C12orf42: variants seen among roughly 807,000 people sequenced by gnomAD.
C12orf42 encodes uncharacterized protein C12orf42.
A neutral mutation model predicts 21.6 loss-of-function variants in C12orf42; 25 were observed. That is an observed-to-expected ratio of 1.16 (90% CI 0.84 to 1.62). The LOEUF is 1.62. Among genes scored for constraint, C12orf42 ranks in the 40% most tolerant of loss-of-function variants. C12orf42 has a pLI of 0.00. For synonymous variants in C12orf42, 174 were observed against 175.0 expected (o/e 0.99, Z 0.05); for missense variants, 483 against 459.3 (o/e 1.05, Z -0.47).
chr12:103,166,543 G>C, the C12orf42 span, among the ~76,000 whole-genome samples: 1 of 152,090 alleles, frequency 6.6e-6, no homozygotes, highest in Admixed American at 6.5e-5. Flanking sequence ...ATAATAAATG[G>C]AGTCAGAATT....
the C12orf42 span, among the ~76,000 whole-genome samples, chr12:103,513,675 G>A: frequency 6.6e-6 from 1 of 152,174 alleles, no homozygotes; most frequent in Non-Finnish European, 1.5e-5. Context: ...AGTTAAGACT[G>A]AGAATCAGGC....
chr12:103,193,882 A>T, the C12orf42 span, among the ~76,000 whole-genome samples: 2 of 152,172 alleles, frequency 1.3e-5, no homozygotes. Context: ...CCAACACAAA[A>T]CTATAGGCCA....
the C12orf42 span, among the ~76,000 whole-genome samples, chr12:103,082,374 G>C: frequency 6.6e-6 from 1 of 152,288 alleles, no homozygotes; most frequent in South Asian, 2.1e-4. Context: ...AATAATTATG[G>C]CCTAACCAAA....
chr12:103,199,260 C>T, the C12orf42 span, among the ~76,000 whole-genome samples: 2 of 152,082 alleles, frequency 1.3e-5, no homozygotes, highest in South Asian at 4.1e-4. Context: ...TATCCACATT[C>T]AAAGGAATGA....
At chr12:103,169,531 T>C in the C12orf42 span, among the ~76,000 whole-genome samples, 5 of 152,096 alleles carry the variant, frequency 3.3e-5, no homozygotes, top group East Asian at 3.8e-4. Context: ...CAAGATCATA[T>C]GGTTAGTATG....
the C12orf42 span, among the ~76,000 whole-genome samples, chr12:103,508,299 G>T: frequency 6.6e-6 from 1 of 152,160 alleles, no homozygotes; most frequent in African/African-American, 2.4e-5. Context: ...TTAATAAATT[G>T]TGTGAGTGGA....
intron 2 of C12orf42, among the ~76,000 whole-genome samples, chr12:103,458,008 TA>T (rs1280577227): frequency 1.3e-5 from 2 of 152,146 alleles, no homozygotes; most frequent in African/African-American, 4.8e-5. Context: ...GCACTTCAGA[TA>T]AAATTAAAAC....
At chr12:103,481,115 C>T (rs1289350108) in intron 1 of C12orf42, among the ~76,000 whole-genome samples, 4 of 151,708 alleles carry the variant, frequency 2.6e-5, no homozygotes, top group Non-Finnish European at 5.9e-5. Context: ...TATTATATAG[C>T]TTTCTTCTTT....
intron 3 of C12orf42, among the ~76,000 whole-genome samples, chr12:103,377,190 T>G (rs1270580064): frequency 6.6e-6 from 1 of 152,106 alleles, no homozygotes; most frequent in African/African-American, 2.4e-5. Context: ...TTCATATTGT[T>G]TGGTTCCCTG....
intron 1 of C12orf42, among the ~76,000 whole-genome samples, chr12:103,483,186 A>C (rs887022956): frequency 6.6e-6 from 1 of 152,132 alleles, no homozygotes; most frequent in Non-Finnish European, 1.5e-5. Flanking sequence ...TCCAAGCACC[A>C]AGAGTGAACT....
chr12:103,430,656 A>G (rs1349722316), intron 2 of C12orf42, among the ~76,000 whole-genome samples: 1 of 152,232 alleles, frequency 6.6e-6, no homozygotes, highest in Non-Finnish European at 1.5e-5. Context: ...ATAAAGACAC[A>G]TGCACACATA....
the C12orf42 span, among the ~76,000 whole-genome samples, chr12:103,172,841 T>A: frequency 6.6e-6 from 1 of 152,284 alleles, no homozygotes; most frequent in Non-Finnish European, 1.5e-5. Context: ...AGAATCTAAA[T>A]TTTGTCAAAT....
At chr12:103,551,995 C>A in the C12orf42 span, among the ~76,000 whole-genome samples, 1 of 151,906 alleles carries the variant, frequency 6.6e-6, no homozygotes, top group East Asian at 1.9e-4. Context: ...AGCCTTGGCT[C>A]ATTTATTCAC....
the C12orf42 span, among the ~76,000 whole-genome samples, chr12:103,140,537 A>T: frequency 6.6e-6 from 1 of 152,178 alleles, no homozygotes; most frequent in African/African-American, 2.4e-5. Context: ...AAAGAGTCGG[A>T]GGTCTGTTGG....
At chr12:103,521,987 C>T in the C12orf42 span, among the ~76,000 whole-genome samples, 1 of 152,206 alleles carries the variant, frequency 6.6e-6, no homozygotes, top group Admixed American at 6.5e-5. Flanking sequence ...TGTCTCCCCT[C>T]AGTTGTGCTG....
At chr12:103,251,201 T>C (rs1023399391) in intron 10 of C12orf42, among the ~76,000 whole-genome samples, 53 of 152,084 alleles carry the variant, frequency 3.5e-4, no homozygotes, top group African/African-American at 1.3e-3. Flanking sequence ...AAATTTACAG[T>C]CAATGACCAC....
At chr12:103,534,958 A>G in the C12orf42 span, among the ~76,000 whole-genome samples, 9 of 152,212 alleles carry the variant, frequency 5.9e-5, no homozygotes, top group African/African-American at 2.2e-4. Flanking sequence ...CCTGTAATAC[A>G]ACCACAACAT....
At chr12:103,050,219 GGTGTGTGT>G in the C12orf42 span, among the ~76,000 whole-genome samples, 2,992 of 148,728 alleles carry the variant, frequency 0.02, 28 homozygotes, top group Non-Finnish European at 0.024. Context: ...TTTTCTCACA[GGTGTGTGT>G]GTGTGTGTGT....
the C12orf42 span, among the ~76,000 whole-genome samples, chr12:103,098,684 C>T: frequency 1.3e-5 from 2 of 152,112 alleles, no homozygotes; most frequent in African/African-American, 4.8e-5. Flanking sequence ...GAAAATGCTG[C>T]CTAAGAGAGG....
Sources: gnomAD v4.1 joint callset for allele counts (sites outside exome capture counted in the v4.1 genomes callset) on GRCh38, gnomAD v4.1.1 for gene constraint, MANE v1.5 for transcripts, NCBI Gene and HGNC (gene_info 2026-07-23, HGNC 2026-07-21) for gene names.